Variants in UNC5D observed in about 807,000 individuals in gnomAD.
UNC5D encodes the protein unc-5 netrin receptor D, also known as netrin receptor UNC5D.
UNC5D carries 39 observed loss-of-function variants against 105.4 expected under a neutral mutation model. The ratio of observed to expected loss-of-function variants is 0.37; its 90% CI spans 0.29 to 0.48. The LOEUF is 0.48. Ranked by LOEUF, UNC5D falls within the 20% of genes least tolerant of loss-of-function variation. The pLI is 0.98. For synonymous variants in UNC5D, 452 were observed against 450.4 expected (o/e 1.00, Z -0.04); for missense variants, 991 against 1,202.4 (o/e 0.82, Z 2.60).
Position 35,750,772 on chromosome 8 carries a change from G to C in UNC5D, c.2126G>C (p.Arg709Thr). ...MSCNSLDYNL[R>T]VYCVDNTPCA... ...TGTAACTCCCTGGATTACAACTTGAGAGTTTACTGTGTGGACAATACCCCT... is the reference window on the plus strand; with the variant it reads ...TGTAACTCCCTGGATTACAACTTGACAGTTTACTGTGTGGACAATACCCCT... Residue 709 changes from arginine (R) to threonine (T), a missense_variant, in exon 13 of 17, where the codon AGA becomes ACA. Arg to Thr is a moderately conservative substitution (Grantham distance 71, BLOSUM62 -1). Around this residue, in one of 3 missense-constraint regions of UNC5D, gnomAD observed 944 missense variants for 1,131.6 expected, o/e 0.83. Coordinates refer to ENST00000404895, the MANE Select transcript of UNC5D (RefSeq NM_080872.4). The C allele has an allele frequency of 6.2e-7, 1 of 1,614,108 alleles. No homozygotes were observed.
chr8:35,274,687 C>A (rs566463768), intron 1 of UNC5D, among the ~76,000 whole-genome samples: 39 of 152,220 alleles, frequency 2.6e-4, no homozygotes, highest in Non-Finnish European at 5.1e-4. Context: ...GGCTGACCTG[C>A]AGCTTTATGA....
chr8:35,261,339 A>C (rs774519703), intron 1 of UNC5D, among the ~76,000 whole-genome samples: 4 of 152,340 alleles, frequency 2.6e-5, no homozygotes, highest in Non-Finnish European at 5.9e-5. Context: ...TTTCAGTAAA[A>C]AATGAACTCT....
At chr8:35,595,449 G>T in intron 3 of UNC5D, 105 bp from the exon 4 acceptor site, 1 of 829,996 alleles carries the variant, frequency 1.2e-6, no homozygotes, top group South Asian at 1.5e-5. Flanking sequence ...TTTTGTGTGT[G>T]TGTGTCTAGG....
At position 35,550,447 on chromosome 8, in the gene UNC5D, T is replaced by G. The variant is rs1816041397; in HGVS notation, c.322+937T>G. The stretch of plus-strand genomic sequence containing the variant: ...TTGTTGATTTTTTTAGATGGTCAAC[T>G]GCTTGACTTGGTCAACTCACTAGAT... On this transcript the variant is annotated intron_variant, in intron 2 of 16. Coordinates refer to ENST00000404895, the MANE Select transcript of UNC5D (RefSeq NM_080872.4). Among the ~76,000 whole-genome samples the G allele has an allele frequency of 2.0e-5, 3 of 152,218 alleles. No homozygotes were observed. The South Asian group carries it at 6.2e-4, about 32-fold the overall frequency.
chr8:35,406,365 A>G (rs1220557640), intron 1 of UNC5D, among the ~76,000 whole-genome samples: 1 of 152,166 alleles, frequency 6.6e-6, no homozygotes, highest in Non-Finnish European at 1.5e-5. Context: ...TTTTTCCTGC[A>G]AGTTATTTTT....
At chr8:35,249,104 A>T (rs1236510776) in intron 1 of UNC5D, among the ~76,000 whole-genome samples, 1 of 127,914 alleles carries the variant, frequency 7.8e-6, no homozygotes, top group Non-Finnish European at 1.6e-5. Context: ...ATATAAAAAA[A>T]TATATATATT....
chr8:35,402,748 G>A (rs1804553842), intron 1 of UNC5D, among the ~76,000 whole-genome samples: 1 of 152,082 alleles, frequency 6.6e-6, no homozygotes, highest in African/African-American at 2.4e-5. Flanking sequence ...TTCCTCTTCT[G>A]ACCATCCTTA....
chr8:35,358,367 GC>G (rs1801672489), intron 1 of UNC5D, among the ~76,000 whole-genome samples: 2 of 152,132 alleles, frequency 1.3e-5, no homozygotes, highest in Non-Finnish European at 2.9e-5. Context: ...TGAGCTGGAA[GC>G]CATTATCCTC....
intron 10 of UNC5D, among the ~76,000 whole-genome samples, chr8:35,729,275 G>A (rs1829061792): frequency 6.6e-6 from 1 of 152,192 alleles, no homozygotes; most frequent in Admixed American, 6.5e-5. Context: ...GTTTTGCTAT[G>A]AGAGTTGGCC....
intron 1 of UNC5D, among the ~76,000 whole-genome samples, chr8:35,343,323 G>C (rs1251740225): frequency 6.6e-6 from 1 of 151,944 alleles, no homozygotes; most frequent in Non-Finnish European, 1.5e-5. Context: ...TGTTCTTGTT[G>C]CTTGAGAAAA....
At chr8:35,415,818 T>C (rs376361506) in intron 1 of UNC5D, among the ~76,000 whole-genome samples, 3 of 152,148 alleles carry the variant, frequency 2.0e-5, no homozygotes, top group African/African-American at 7.2e-5. Flanking sequence ...CAATCATGTA[T>C]ACTACATAAA....
intron 3 of UNC5D, among the ~76,000 whole-genome samples, chr8:35,581,773 AG>A (rs1173833841): frequency 6.6e-6 from 1 of 152,006 alleles, no homozygotes. Context: ...AAAAATTAAA[AG>A]AAAAAAAAAA....
At chr8:35,689,770 CGTCTGCTTTTTTTTTCA>C (rs1256071670) in intron 7 of UNC5D, among the ~76,000 whole-genome samples, 2 of 152,080 alleles carry the variant, frequency 1.3e-5, no homozygotes, top group Admixed American at 6.6e-5. Context: ...TATGGAGGGC[CGTCTGCTTTTTTTTTCA>C]GTCTGTGAAT....
At chr8:35,259,747 C>CT (rs75188468) in intron 1 of UNC5D, among the ~76,000 whole-genome samples, 341 of 137,916 alleles carry the variant, frequency 2.5e-3, no homozygotes, top group South Asian at 7.2e-3. Context: ...GCTGACTGAT[C>CT]TTTTTTTTTT....
intron 15 of UNC5D, among the ~76,000 whole-genome samples, chr8:35,773,110 C>A (rs2131735389): frequency 6.6e-6 from 1 of 152,278 alleles, no homozygotes; most frequent in South Asian, 2.1e-4. Context: ...ACATTAATTA[C>A]ATCAGCAGAG....
At chr8:35,648,222 C>A (rs1480605722) in intron 4 of UNC5D, among the ~76,000 whole-genome samples, 1 of 152,146 alleles carries the variant, frequency 6.6e-6, no homozygotes, top group Non-Finnish European at 1.5e-5. Flanking sequence ...TTATACTTAT[C>A]TTTCTAGTAC....
In UNC5D at chr8:35,373,523, G is replaced by T. The variant is rs1180785897; in HGVS notation, c.103+137636G>T. ...GATTCTACATGCTTGTTCTCCTTGT[G>T]CTGGGACATGTGCTGGAGCTGGTGA... On this transcript the variant is annotated intron_variant, in intron 1 of 16. Transcript: ENST00000404895. 3.3e-5 allele frequency among the ~76,000 whole-genome samples: 5 copies of T among 152,124 alleles called. 1 individual carries two copies. Among genetic ancestry groups the T allele is most frequent in the South Asian group, 4.1e-4 (2 of 4,828 alleles).
chr8:35,619,346 T>C (rs1301822647), intron 4 of UNC5D, among the ~76,000 whole-genome samples: 1 of 152,208 alleles, frequency 6.6e-6, no homozygotes, highest in Non-Finnish European at 1.5e-5. Context: ...GTCAAAAGCA[T>C]GCAGGTATGA....
At chr8:35,375,035 A>G (rs1293839676) in intron 1 of UNC5D, among the ~76,000 whole-genome samples, 1 of 152,204 alleles carries the variant, frequency 6.6e-6, no homozygotes, top group Admixed American at 6.5e-5. Flanking sequence ...TATAATAGAA[A>G]AGTGGACTTC....
Sources: gnomAD v4.1 joint callset for allele counts (sites outside exome capture counted in the v4.1 genomes callset) on GRCh38, gnomAD v4.1.1 for gene constraint, gnomAD v4.1.1 regional missense constraint, MANE v1.5 for transcripts, NCBI Gene and HGNC (gene_info 2026-07-23, HGNC 2026-07-21) for gene names.